Variants in ARHGAP15 observed in about 807,000 individuals in gnomAD.
ARHGAP15 encodes rho GTPase-activating protein 15.
A neutral mutation model predicts 63.7 loss-of-function variants in ARHGAP15; 51 were observed. The ratio of observed to expected loss-of-function variants is 0.80; its 90% CI spans 0.64 to 1.01. The LOEUF (loss-of-function observed/expected upper bound fraction) is 1.01, where lower values mean the gene tolerates loss of function less well. Ranked by LOEUF, ARHGAP15 falls within the 50% of genes least tolerant of loss-of-function variation. The probability of loss-of-function intolerance (pLI) is 0.00; values close to 1 mark genes in which losing one functional copy is unlikely to be tolerated. For missense variants in ARHGAP15, 560 were observed against 564.6 expected, an observed-to-expected ratio of 0.99 and a Z score of 0.08; for synonymous variants, 191 against 193.8, an observed-to-expected ratio of 0.99 and a Z score of 0.12.
intron 9 of ARHGAP15, among the ~76,000 whole-genome samples, chr2:143,504,999 C>A (rs182747407): frequency 6.6e-6 from 1 of 152,328 alleles, no homozygotes; most frequent in Non-Finnish European, 1.5e-5. Flanking sequence ...CCTGAAGCAA[C>A]AACTCTTACT....
intron 6 of ARHGAP15, among the ~76,000 whole-genome samples, chr2:143,251,303 C>T (rs1680148240): frequency 6.6e-6 from 1 of 151,676 alleles, no homozygotes; most frequent in Non-Finnish European, 1.5e-5. Context: ...TCCAAAGTAA[C>T]CAGTAATTAG....
chr2:143,346,226 ACACTCT>A (rs1685282819), intron 6 of ARHGAP15, among the ~76,000 whole-genome samples: 7 of 128,770 alleles, frequency 5.4e-5, no homozygotes, highest in African/African-American at 1.4e-4. Context: ...TCTCTCACAC[ACACTCT>A]CTCTCACACA....
intron 3 of ARHGAP15, among the ~76,000 whole-genome samples, chr2:143,203,826 T>C (rs141433226): frequency 2.7e-4 from 41 of 152,198 alleles, no homozygotes; most frequent in African/African-American, 6.7e-4. Context: ...CTTTAGACCA[T>C]GTAACACTAG....
chr2:143,684,456 A>C (rs1027651873), intron 12 of ARHGAP15, among the ~76,000 whole-genome samples: 3 of 151,898 alleles, frequency 2.0e-5, no homozygotes, highest in Non-Finnish European at 4.4e-5. Flanking sequence ...AATAGGATGG[A>C]TCATCTCATC....
At chr2:143,673,750 G>GTATATATATATATATATA (rs1239149068) in intron 12 of ARHGAP15, among the ~76,000 whole-genome samples, 33 of 34,626 alleles carry the variant, frequency 9.5e-4, no homozygotes, top group Non-Finnish European at 2.1e-3. Context: ...GTGTGTGTGT[G>GTATATATATATATATATA]TGTGTGTGTA....
At chr2:143,716,829 A>T (rs1574882221) in intron 13 of ARHGAP15, among the ~76,000 whole-genome samples, 1 of 152,114 alleles carries the variant, frequency 6.6e-6, no homozygotes, top group Admixed American at 6.5e-5. Context: ...AATCCCTCAG[A>T]CTCCTTTTTT....
intron 2 of ARHGAP15, among the ~76,000 whole-genome samples, chr2:143,195,852 A>G (rs2105099869): frequency 6.6e-6 from 1 of 152,296 alleles, no homozygotes; most frequent in South Asian, 2.1e-4. Context: ...TTTCATGTTT[A>G]TGTATAACTT....
chr2:143,461,486 A>G (rs180733807), intron 8 of ARHGAP15, among the ~76,000 whole-genome samples: 12 of 152,216 alleles, frequency 7.9e-5, no homozygotes, highest in African/African-American at 2.9e-4. Context: ...ACATTTCTTC[A>G]TTTGGGCTAA....
chr2:143,657,963 A>G (rs1471385748), intron 12 of ARHGAP15, among the ~76,000 whole-genome samples: 2 of 152,194 alleles, frequency 1.3e-5, no homozygotes, highest in East Asian at 1.9e-4. Context: ...GTTCTCTCCT[A>G]TCTTTCAATA....
intron 12 of ARHGAP15, among the ~76,000 whole-genome samples, chr2:143,642,258 A>T (rs914104429): frequency 3.3e-5 from 5 of 151,028 alleles, no homozygotes; most frequent in Non-Finnish European, 7.4e-5. Flanking sequence ...ATTTGTAGTG[A>T]TTTTTTTTTA....
intron 9 of ARHGAP15, among the ~76,000 whole-genome samples, chr2:143,508,358 G>C (rs1230394265): frequency 1.3e-5 from 2 of 152,144 alleles, no homozygotes; most frequent in Non-Finnish European, 2.9e-5. Context: ...ATAGCTCTCT[G>C]TCTCTCTGCC....
intron 12 of ARHGAP15, among the ~76,000 whole-genome samples, chr2:143,668,046 A>T (rs1217510516): frequency 6.6e-6 from 1 of 151,616 alleles, no homozygotes; most frequent in Non-Finnish European, 1.5e-5. Context: ...AAAGAGAAAC[A>T]TTTAAAAAAA....
intron 9 of ARHGAP15, among the ~76,000 whole-genome samples, chr2:143,503,624 G>T (rs1197276848): frequency 6.6e-6 from 1 of 152,198 alleles, no homozygotes; most frequent in Non-Finnish European, 1.5e-5. Context: ...TCACCTGACT[G>T]CAGAGAACAC....
At chr2:143,752,985 AT>A (rs1212954553) in intron 13 of ARHGAP15, among the ~76,000 whole-genome samples, 1 of 151,998 alleles carries the variant, frequency 6.6e-6, no homozygotes, top group Non-Finnish European at 1.5e-5. Flanking sequence ...AAACAAAAAA[AT>A]TTTTTTTAAT....
At chr2:143,355,814 A>AGATATAAT (rs1685784912) in intron 6 of ARHGAP15, among the ~76,000 whole-genome samples, 2 of 152,288 alleles carry the variant, frequency 1.3e-5, no homozygotes, top group East Asian at 3.9e-4. Context: ...CTGATGTTGC[A>AGATATAAT]TGTTAACAGC....
chr2:143,542,194 T>A (rs1255878629), intron 10 of ARHGAP15, among the ~76,000 whole-genome samples: 1 of 152,212 alleles, frequency 6.6e-6, no homozygotes, highest in Non-Finnish European at 1.5e-5. Flanking sequence ...GGATATAATC[T>A]GCTGGTGTGT....
Position 143,496,104 on chromosome 2 carries a change from C to T in ARHGAP15, c.826+8609C>T, listed in dbSNP as rs141010864. Among the ~76,000 whole-genome samples the T allele has an allele frequency of 1.7e-3, 262 of 152,272 alleles. 1 individual carries two copies. Among genetic ancestry groups the T allele is most frequent in the African/African-American group, 5.7e-3 (236 of 41,550 alleles). ...TAGCCAACCTTAAGCTTCTTTATCT[C>T]GGCCTACAAGCTTCCTGGTTCCTTT... On this transcript the variant is annotated intron_variant, in intron 9 of 13. Transcript: ENST00000295095.
chr2:143,761,849 C>CT lies in ARHGAP15; in HGVS notation c.1245-6133dup, dbSNP rs200618181. ...TGACAAAAGGTAGCACTCACATTTC[C>CT]TTTTTTTAATGCTGTAAACTGTGTA... On this transcript the variant is annotated intron_variant, in intron 13 of 13. Coordinates refer to ENST00000295095, the MANE Select transcript of ARHGAP15 (RefSeq NM_018460.4). Among the ~76,000 whole-genome samples, 20 of 152,098 alleles carry CT rather than the reference C, an allele frequency of 1.3e-4. No homozygotes were observed. The East Asian group carries it at 3.9e-3, about 29-fold the overall frequency.
chr2:143,767,894 T>C (rs2072973307), intron 13 of ARHGAP15, 95 bp from the exon 14 acceptor site: 9 of 1,170,646 alleles, frequency 7.7e-6, no homozygotes, highest in Non-Finnish European at 8.5e-6. Flanking sequence ...TGCAGTTACT[T>C]TTCCTGAATG....
Sources: allele counts gnomAD v4.1 joint callset (sites outside exome capture counted in the v4.1 genomes callset), GRCh38; gene constraint gnomAD v4.1.1; transcripts MANE v1.5; gene names NCBI Gene and HGNC (gene_info 2026-07-23, HGNC 2026-07-21).